Variants in WHRN observed in about 807,000 individuals in gnomAD.
WHRN encodes CASK-interacting protein CIP98.
In WHRN, 41 loss-of-function variants were observed where a neutral mutation model predicts 68.3. The observed-to-expected ratio is 0.60, with a 90% CI of 0.47 to 0.78. The LOEUF is 0.78. Ranked by LOEUF, WHRN falls within the 30% of genes least tolerant of loss-of-function variation. The pLI is 0.00. For synonymous variants in WHRN, 560 were observed against 561.3 expected, an observed-to-expected ratio of 1.00 and a Z score of 0.03; for missense variants, 1,243 against 1,244.7, an observed-to-expected ratio of 1.00 and a Z score of 0.02.
intron 3 of WHRN, among the ~76,000 whole-genome samples, chr9:114,449,177 C>T (rs972203930): frequency 6.6e-6 from 1 of 152,224 alleles, no homozygotes; most frequent in African/African-American, 2.4e-5. Context: ...TACCCACAAG[C>T]AGGCATTTAA....
intron 3 of WHRN, among the ~76,000 whole-genome samples, chr9:114,452,903 A>G (rs1441076448): frequency 6.6e-6 from 1 of 151,580 alleles, no homozygotes; most frequent in East Asian, 2.0e-4. Context: ...CTGGGCCCCC[A>G]GCATAGAGCC....
intron 7 of WHRN, among the ~76,000 whole-genome samples, chr9:114,422,024 A>G (rs766171321): frequency 7.2e-5 from 11 of 152,228 alleles, no homozygotes; most frequent in Non-Finnish European, 1.6e-4. Context: ...TGGAGCTTGC[A>G]AAAGAGAAGG....
At chr9:114,456,075 C>T (rs1356478730) in intron 3 of WHRN, among the ~76,000 whole-genome samples, 34 of 149,888 alleles carry the variant, frequency 2.3e-4, no homozygotes, top group Non-Finnish European at 3.0e-5. Flanking sequence ...GTTGAAAAAT[C>T]GTAAGTTGAC....
intron 4 of WHRN, chr9:114,425,853 A>G: frequency 2.7e-6 from 1 of 368,242 alleles, no homozygotes; most frequent in African/African-American, 2.1e-5. Context: ...TACACCCCAA[A>G]GCATCTCTCT....
At chr9:114,489,846 T>C (rs932304829) in intron 1 of WHRN, among the ~76,000 whole-genome samples, 6 of 152,196 alleles carry the variant, frequency 3.9e-5, no homozygotes, top group Non-Finnish European at 5.9e-5. Context: ...TTTCTCCTCC[T>C]ACCTCTCTCC....
intron 1 of WHRN, among the ~76,000 whole-genome samples, chr9:114,500,136 A>C (rs1056473316): frequency 6.6e-6 from 1 of 152,228 alleles, no homozygotes; most frequent in Non-Finnish European, 1.5e-5. Context: ...AAATTAAAGA[A>C]ATGGATATGC....
intron 7 of WHRN, among the ~76,000 whole-genome samples, chr9:114,409,085 C>T (rs758454259): frequency 2.0e-5 from 3 of 152,204 alleles, no homozygotes; most frequent in Non-Finnish European, 2.9e-5. Flanking sequence ...TCCATCATTG[C>T]GTGGGCCAAT....
intron 3 of WHRN, among the ~76,000 whole-genome samples, chr9:114,457,687 G>A (rs978006869): frequency 6.6e-6 from 1 of 152,116 alleles, no homozygotes; most frequent in Admixed American, 6.5e-5. Flanking sequence ...AGGCCGAGGC[G>A]GGTGGATCAC....
chr9:114,470,626 T>C (rs1361648849), intron 2 of WHRN, among the ~76,000 whole-genome samples: 1 of 152,068 alleles, frequency 6.6e-6, no homozygotes, highest in African/African-American at 2.4e-5. Flanking sequence ...GGGGTTCAGA[T>C]CAGGGACAGA....
Position 114,504,662 on chromosome 9 carries a change from G to A in WHRN, c.140C>T (p.Thr47Ile), listed in dbSNP as rs1282235356. 2.3e-5 allele frequency: 37 copies of A among 1,604,300 alleles called. No individual in the cohort carries two copies. Among genetic ancestry groups the A allele is most frequent in the Non-Finnish European group, 3.1e-5 (37 of 1,177,272 alleles). The change falls in exon 1 of 12, where the codon ACC becomes ATC. Residue 47 changes from threonine (T) to isoleucine (I), a missense_variant. By Grantham distance (89) the Thr-to-Ile change is moderately conservative. Transcript: ENST00000362057. The part of the protein sequence containing the change: ...ANVRQLHQAL[T>I]ALLSEAEREQ... Reference sequence around the variant, plus strand: ...CCGCTCCGCCTCGCTCAGCAGCGCGGTCAGCGCTTGGTGCAGCTGGCGCAC... The same window carrying A: ...CCGCTCCGCCTCGCTCAGCAGCGCGATCAGCGCTTGGTGCAGCTGGCGCAC...
At chr9:114,485,247 TTATGCATGCCTGCTCTTC>T (rs2133216138) in intron 1 of WHRN, among the ~76,000 whole-genome samples, 1 of 152,252 alleles carries the variant, frequency 6.6e-6, no homozygotes, top group Admixed American at 6.5e-5. Context: ...GAGGAAAAAA[TTATGCATGCCTGCTCTTC>T]GCAGCCGCAC....
chr9:114,419,201 C>A (rs985706867), intron 7 of WHRN, among the ~76,000 whole-genome samples: 2 of 152,170 alleles, frequency 1.3e-5, no homozygotes, highest in African/African-American at 4.8e-5. Flanking sequence ...CAACCTTGGG[C>A]AAGTTGCTTC....
intron 2 of WHRN, among the ~76,000 whole-genome samples, chr9:114,469,010 C>T (rs1206869227): frequency 6.6e-6 from 1 of 152,232 alleles, no homozygotes; most frequent in Non-Finnish European, 1.5e-5. Context: ...CAAGTTGCTT[C>T]ACCTCTCTGT....
chr9:114,423,580 G>C, intron 6 of WHRN, 57 bp from the exon 7 acceptor site: 1 of 1,518,272 alleles, frequency 6.6e-7, no homozygotes, highest in Non-Finnish European at 9.0e-7. Context: ...AGGTGGAACA[G>C]GGGCCCTGCT....
rs1404575626 is a variant in WHRN at position 114,426,089 on chromosome 9, C to G, written c.1166+122G>C. The stretch of plus-strand genomic sequence containing the variant: ...AGGTCATGTCCTGCCAATGGAGGGC[C>G]CTGGTGTGGGGACTGCAGGCTGAGA... On this transcript the variant is annotated intron_variant, in intron 4 of 11. Transcript: ENST00000362057. 4.7e-6 allele frequency: 6 copies of G among 1,288,410 alleles called. No individual in the cohort carries two copies. In the East Asian group the frequency reaches 1.4e-4, roughly 31 times the overall value. 79.8% of individuals were successfully genotyped at this position (1,288,410 alleles called of 1,614,324 possible).
At chr9:114,407,844 G>T in intron 8 of WHRN, 103 bp downstream of exon 8, 1 of 982,770 alleles carries the variant, frequency 1.0e-6, no homozygotes, top group Non-Finnish European at 1.6e-6. Flanking sequence ...TGTCTCCTTT[G>T]CCACCCTGTG....
intron 1 of WHRN, among the ~76,000 whole-genome samples, chr9:114,481,041 G>C (rs550899819): frequency 2.3e-4 from 35 of 152,212 alleles, no homozygotes; most frequent in Middle Eastern, 6.8e-3. Flanking sequence ...ATATGCCTAA[G>C]AAGGGGGGTG....
In WHRN at chr9:114,504,464, C is replaced by T. The variant is rs1413734233; in HGVS notation, c.338G>A (p.Gly113Asp). ...QLLFDQYTAEGLYLPATTPYR... is the reference protein window; with the variant it reads ...QLLFDQYTAEDLYLPATTPYR... ...GGGGGTGGTGGCGGGCAGGTAGAGG[C>T]CCTCGGCCGTGTATTGGTCGAAGAG... Residue 113 changes from glycine (G) to aspartate (D), a missense_variant, in exon 1 of 12, where the codon GGC (glycine) becomes GAC (aspartate). By Grantham distance (94) the Gly-to-Asp change is moderately conservative. Coordinates refer to ENST00000362057, the MANE Select transcript of WHRN (RefSeq NM_015404.4). The T allele has an allele frequency of 2.5e-6, 4 of 1,607,772 alleles. No homozygotes were observed. Among genetic ancestry groups the T allele is most frequent in the Admixed American group, 3.3e-5 (2 of 60,004 alleles).
chr9:114,494,446 C>T (rs796799576), intron 1 of WHRN, among the ~76,000 whole-genome samples: 3 of 152,318 alleles, frequency 2.0e-5, no homozygotes, highest in African/African-American at 7.2e-5. Flanking sequence ...TGCTACTTTA[C>T]TATTATTCCC....
Sources: gnomAD v4.1 joint callset for allele counts (sites outside exome capture counted in the v4.1 genomes callset) on GRCh38, gnomAD v4.1.1 for gene constraint, MANE v1.5 for transcripts, NCBI Gene and HGNC (gene_info 2026-07-23, HGNC 2026-07-21) for gene names.